The following FUT8 variants were observed in gnomAD, a reference collection of about 807,000 sequenced individuals.
The protein encoded by FUT8 is alpha-(1,6)-fucosyltransferase.
FUT8 carries 29 observed loss-of-function variants against 71.3 expected under a neutral mutation model. The observed-to-expected ratio is 0.41, with a 90% CI of 0.30 to 0.55. The LOEUF is 0.55. Ranked by LOEUF, FUT8 falls within the 20% of genes least tolerant of loss-of-function variation. The pLI is 0.34. For synonymous variants in FUT8, 254 were observed against 239.3 expected, an observed-to-expected ratio of 1.06 and a Z score of -0.57; for missense variants, 544 against 702.1, an observed-to-expected ratio of 0.77 and a Z score of 2.55.
intron 2 of FUT8, among the ~76,000 whole-genome samples, chr14:65,537,495 C>G (rs533506983): frequency 3.2e-4 from 49 of 152,294 alleles, no homozygotes; most frequent in African/African-American, 1.1e-3. Flanking sequence ...TCACGCCTTT[C>G]TCCTGTCTCA....
intron 5 of FUT8, among the ~76,000 whole-genome samples, chr14:65,623,696 C>T (rs183292144): frequency 2.2e-4 from 33 of 152,174 alleles, no homozygotes; most frequent in African/African-American, 6.5e-4. Flanking sequence ...CTAGCTTGGG[C>T]GACAGAGAGA....
chr14:65,408,843 T>C (rs2065097400), upstream of FUT8, among the ~76,000 whole-genome samples: 1 of 152,200 alleles, frequency 6.6e-6, no homozygotes, highest in African/African-American at 2.4e-5. Context: ...TTAAAACACA[T>C]TGAATTTGAA....
At chr14:65,496,606 C>T (rs117196032) in intron 2 of FUT8, among the ~76,000 whole-genome samples, 2,576 of 152,174 alleles carry the variant, frequency 0.017, 31 homozygotes, top group Non-Finnish European at 0.026. Context: ...TCTTGCCTGC[C>T]GCCATGTAAG....
the FUT8 span, among the ~76,000 whole-genome samples, chr14:65,405,311 C>T: frequency 6.6e-6 from 1 of 151,992 alleles, no homozygotes; most frequent in African/African-American, 2.4e-5. Context: ...TAGTTGAGTT[C>T]CAATAGGACT....
At chr14:65,390,390 C>T in the FUT8 span, among the ~76,000 whole-genome samples, 1 of 150,078 alleles carries the variant, frequency 6.7e-6, no homozygotes, top group Non-Finnish European at 1.5e-5. Flanking sequence ...AAATTGGTGA[C>T]ACTGGTGCTT....
intron 6 of FUT8, among the ~76,000 whole-genome samples, chr14:65,650,092 C>T (rs1891296188): frequency 6.7e-6 from 1 of 150,218 alleles, no homozygotes; most frequent in Admixed American, 6.6e-5. Flanking sequence ...GTCAGGAGAT[C>T]AAGACCATCC....
At chr14:65,491,324 G>A (rs1270754842) in intron 2 of FUT8, among the ~76,000 whole-genome samples, 1 of 152,092 alleles carries the variant, frequency 6.6e-6, no homozygotes, top group African/African-American at 2.4e-5. Flanking sequence ...GGGTTTATAG[G>A]TCATTCTAAA....
chr14:65,674,728 A>G (rs61988022), intron 7 of FUT8, among the ~76,000 whole-genome samples: 9,280 of 152,284 alleles, frequency 0.061, 329 homozygotes, highest in Admixed American at 0.11. Context: ...CATACCTAAG[A>G]TAGAAGGTAT....
rs1362955561 is a variant in FUT8 at position 65,652,384 on chromosome 14, C to G, written c.598-16859C>G. Among the ~76,000 whole-genome samples the G allele has an allele frequency of 4.6e-5, 7 of 152,126 alleles. No individual in the cohort carries two copies. The East Asian group carries it at 1.3e-3, about 29-fold the overall frequency. ...GAACGTCAGAGAAATGTTTTTCTTTCTGATAAAAATGGAGAGCACATAAGA... is the reference window on the plus strand; with the variant it reads ...GAACGTCAGAGAAATGTTTTTCTTTGTGATAAAAATGGAGAGCACATAAGA... On this transcript the variant is annotated intron_variant, in intron 6 of 10. Transcript: ENST00000673929. The surrounding 1 kb of genome is among the most constrained non-coding windows in gnomAD (Gnocchi z 4.0).
chr14:65,619,313 C>G lies in FUT8; in HGVS notation c.482+2940C>G, dbSNP rs147483313. On this transcript the variant is annotated intron_variant, in intron 5 of 10. Coordinates refer to ENST00000673929, the MANE Select transcript of FUT8 (RefSeq NM_001371533.1). ...ATCGCATTTCTCTGTAGGTTAGTGA[C>G]CCCATCAGTGAGCTGTGGGGGTAAG... Among the ~76,000 whole-genome samples the G allele has an allele frequency of 2.6e-5, 4 of 152,230 alleles. No homozygotes were observed. The South Asian group carries it at 8.3e-4, about 32-fold the overall frequency.
At chr14:65,610,042 A>T (rs1329501310) in intron 3 of FUT8, among the ~76,000 whole-genome samples, 2 of 151,960 alleles carry the variant, frequency 1.3e-5, no homozygotes, top group African/African-American at 2.4e-5. Flanking sequence ...GAAATGTAGA[A>T]TATAGAAATA....
At chr14:65,416,757 T>A (rs1595344662) in intron 1 of FUT8, among the ~76,000 whole-genome samples, 1 of 151,276 alleles carries the variant, frequency 6.6e-6, no homozygotes, top group Non-Finnish European at 1.5e-5. Context: ...TTTAACATTT[T>A]ATTTTCTTTA....
chr14:65,425,912 G>A (rs946382560), intron 1 of FUT8, among the ~76,000 whole-genome samples: 3 of 151,820 alleles, frequency 2.0e-5, no homozygotes, highest in Non-Finnish European at 4.4e-5. Flanking sequence ...GAAAGACGGA[G>A]GTTGCAGTGA....
chr14:65,439,954 G>GTGTACATATATATATATATA lies in FUT8; in HGVS notation c.-325-15666_-325-15665insGTACATATATATATATATAT. On this transcript the variant is annotated intron_variant, in intron 1 of 10. Transcript: ENST00000673929. ...ATAAAGAAAATGTGTGTGTGTGTGT[G>GTGTACATATATATATATATA]TATATATATATATATATATATATAT... is the stretch of plus-strand genomic sequence containing the variant. Among the ~76,000 whole-genome samples, 84 of 74,968 alleles carry GTGTACATATATATATATATA rather than the reference G, an allele frequency of 1.1e-3. 2 individuals are homozygous for GTGTACATATATATATATATA. The highest frequency in any genetic ancestry group is 7.4e-3 in the Middle Eastern group (1 of 136). The allele number at this position is 74,968 out of a possible 152,430, so 49.2% of individuals were successfully genotyped here.
chr14:65,734,153 C>T (rs1056585788), intron 10 of FUT8, among the ~76,000 whole-genome samples: 1 of 152,122 alleles, frequency 6.6e-6, no homozygotes, highest in African/African-American at 2.4e-5. Flanking sequence ...AGATACAGTT[C>T]TTGCCCTGGT....
intron 2 of FUT8, among the ~76,000 whole-genome samples, chr14:65,525,307 T>C (rs111827669): frequency 6.6e-6 from 1 of 152,216 alleles, no homozygotes; most frequent in South Asian, 2.1e-4. Flanking sequence ...TGTATGTGTC[T>C]AGGAATTTAT....
chr14:65,479,524 T>C (rs1355322329), intron 2 of FUT8, among the ~76,000 whole-genome samples: 1 of 152,150 alleles, frequency 6.6e-6, no homozygotes, highest in Non-Finnish European at 1.5e-5. Flanking sequence ...CATAATTTAC[T>C]GATGTCTGCA....
chr14:65,516,294 A>T (rs1480991143), intron 2 of FUT8: 1 of 152,214 alleles, frequency 6.6e-6, no homozygotes, highest in Non-Finnish European at 1.5e-5. Flanking sequence ...TTGCATGCAT[A>T]GTCCTTAACC....
chr14:65,367,387 G>A, the FUT8 span, among the ~76,000 whole-genome samples: 1 of 152,192 alleles, frequency 6.6e-6, no homozygotes, highest in Non-Finnish European at 1.5e-5. Flanking sequence ...GGAACACTGT[G>A]AAGTCTAGCA....
Sources: gnomAD v4.1 joint callset for allele counts (sites outside exome capture counted in the v4.1 genomes callset) on GRCh38, gnomAD v4.1.1 for gene constraint, Gnocchi (gnomAD v3.1) non-coding constraint, MANE v1.5 for transcripts, NCBI Gene and HGNC (gene_info 2026-07-23, HGNC 2026-07-21) for gene names.